The following SP140L variants were observed in gnomAD, a reference collection of about 807,000 sequenced individuals.
The protein encoded by SP140L is nuclear body protein SP140-like protein.
Under a neutral mutation model 84.3 loss-of-function variants are expected in SP140L, and 64 were observed. The observed-to-expected ratio is 0.76, with a 90% CI of 0.62 to 0.94. The LOEUF is 0.94. Among genes scored for constraint, SP140L ranks in the 40% least tolerant of loss-of-function variants. SP140L has a pLI of 0.00. For missense variants in SP140L, 628 were observed against 692.5 expected (o/e 0.91, Z 1.05); for synonymous variants, 242 against 236.9 (o/e 1.02, Z -0.20).
At chr2:230,335,050 C>T (rs182069068) in intron 2 of SP140L, among the ~76,000 whole-genome samples, 8 of 152,064 alleles carry the variant, frequency 5.3e-5, no homozygotes, top group East Asian at 3.9e-4. Flanking sequence ...AAACTCCTAA[C>T]GTTGTTTATT....
intron 1 of SP140L, among the ~76,000 whole-genome samples, chr2:230,327,521 C>T (rs1386197342): frequency 6.6e-6 from 1 of 152,240 alleles, no homozygotes; most frequent in East Asian, 1.9e-4. Context: ...TGCCATAACA[C>T]AGATGACTTT....
chr2:230,385,926 G>A (rs1559451337), intron 9 of SP140L, among the ~76,000 whole-genome samples: 2 of 152,184 alleles, frequency 1.3e-5, no homozygotes, highest in Non-Finnish European at 2.9e-5. Context: ...CAGGATTGGG[G>A]AGGTGAGAGA....
At chr2:230,355,978 A>C (rs1203998108) in intron 2 of SP140L, among the ~76,000 whole-genome samples, 1 of 152,178 alleles carries the variant, frequency 6.6e-6, no homozygotes, top group Non-Finnish European at 1.5e-5. Context: ...TCAATAAATA[A>C]AATAAAATTC....
At chr2:230,369,178 A>T (rs2060976524) in intron 5 of SP140L, among the ~76,000 whole-genome samples, 1 of 152,228 alleles carries the variant, frequency 6.6e-6, no homozygotes, top group African/African-American at 2.4e-5. Context: ...CTTGCTGCTG[A>T]AGGTGCCTAG....
chr2:230,363,460 T>C (rs72992278), intron 5 of SP140L, among the ~76,000 whole-genome samples: 11,134 of 152,240 alleles, frequency 0.073, 670 homozygotes, highest in South Asian at 0.2. Context: ...TTTGTATGTG[T>C]TCCTTTGAGA....
chr2:230,339,895 T>C (rs1198634249), intron 2 of SP140L, among the ~76,000 whole-genome samples: 1 of 149,408 alleles, frequency 6.7e-6, no homozygotes, highest in African/African-American at 2.5e-5. Flanking sequence ...TTACATTTGC[T>C]GAGGAGAGCT....
intron 2 of SP140L, among the ~76,000 whole-genome samples, chr2:230,354,890 AAAGAAAGG>A (rs2060488940): frequency 6.8e-6 from 1 of 146,816 alleles, no homozygotes; most frequent in Non-Finnish European, 1.5e-5. Flanking sequence ...AGAAAGAAAG[AAAGAAAGG>A]AAAGAGAAAG....
intron 2 of SP140L, 119 bp from the exon 3 acceptor site, chr2:230,357,686 C>T: frequency 2.1e-6 from 2 of 964,760 alleles, no homozygotes; most frequent in Non-Finnish European, 3.1e-6. Context: ...CTACTGAGGA[C>T]CACCTATTTT....
chr2:230,346,261 A>G (rs1322589059), intron 2 of SP140L, among the ~76,000 whole-genome samples: 1 of 152,148 alleles, frequency 6.6e-6, no homozygotes, highest in Non-Finnish European at 1.5e-5. Context: ...TGTTAGTCTT[A>G]TGAGGGCTCC....
rs530630859 is a variant in SP140L at position 230,377,972 on chromosome 2, G to C, written c.638-5538G>C. Among the ~76,000 whole-genome samples the C allele has an allele frequency of 5.9e-5, 9 of 152,184 alleles. No homozygotes were observed. The South Asian group carries it at 1.9e-3, about 32-fold the overall frequency. ...CTTATTGAGATCTATAACCCATTTT[G>C]AGTTAGTTTTTGCATATAGTTTGAG... On this transcript the variant is annotated intron_variant, in intron 7 of 18. Coordinates refer to ENST00000415673, the MANE Select transcript of SP140L (RefSeq NM_138402.6).
intron 5 of SP140L, among the ~76,000 whole-genome samples, chr2:230,370,538 A>G (rs986630175): frequency 1.3e-5 from 2 of 152,224 alleles, no homozygotes; most frequent in Non-Finnish European, 2.9e-5. Flanking sequence ...TTTGTTTCTC[A>G]TTAGTATCTG....
Position 230,361,661 on chromosome 2 carries a change from G to C in SP140L, c.487G>C (p.Glu163Gln), listed in dbSNP as rs752810333. 1 of 1,563,500 alleles carries C rather than the reference G, an allele frequency of 6.4e-7. No individual in the cohort carries two copies. The highest frequency in any genetic ancestry group is 1.2e-5 in the South Asian group (1 of 84,780). ...CCAAGAAAGTGATCGAAAAGAAAGGGAAGAGAGGCCTGACATCAAACTAAG... is the reference window on the plus strand; with the variant it reads ...CCAAGAAAGTGATCGAAAAGAAAGGCAAGAGAGGCCTGACATCAAACTAAG... Reference protein sequence around the residue: ...SFQESDRKEREERPDIKLSLK... With the variant: ...SFQESDRKERQERPDIKLSLK... The change falls in exon 5 of 19, where the codon GAA becomes CAA. Residue 163 changes from glutamate (E) to glutamine (Q), a missense_variant. Around this residue, in one of 4 missense-constraint regions of SP140L, gnomAD observed 525 missense variants for 518.4 expected, o/e 1.01. Coordinates refer to ENST00000415673, the MANE Select transcript of SP140L (RefSeq NM_138402.6).
intron 2 of SP140L, among the ~76,000 whole-genome samples, chr2:230,341,854 G>C (rs1424651776): frequency 1.3e-5 from 2 of 152,072 alleles, no homozygotes; most frequent in Non-Finnish European, 2.9e-5. Flanking sequence ...CCCGTTCTCA[G>C]ATCTCCAGCT....
At position 230,354,881 on chromosome 2, in the gene SP140L, G is replaced by GA. The variant is rs149676460; in HGVS notation, c.108-2921dup. Among the ~76,000 whole-genome samples the GA allele has an allele frequency of 4.4e-3, 553 of 125,610 alleles. 5 individuals are homozygous for GA. Among genetic ancestry groups the GA allele is most frequent in the African/African-American group, 0.016 (521 of 32,418 alleles). 82.4% of individuals were successfully genotyped at this position (125,610 alleles called of 152,430 possible). ...AGAAAGAAAGAAAGAAAGAAAGAAA[G>GA]AAAGAAAGAAAGAAAGGAAAGAGAA... On this transcript the variant is annotated intron_variant, in intron 2 of 18. Coordinates refer to ENST00000415673, the MANE Select transcript of SP140L (RefSeq NM_138402.6).
intron 2 of SP140L, among the ~76,000 whole-genome samples, chr2:230,356,170 A>T (rs572577370): frequency 1.8e-4 from 28 of 152,320 alleles, no homozygotes; most frequent in Middle Eastern, 3.4e-3. Context: ...CATCACTGGT[A>T]GTCTTTGCAA....
chr2:230,392,299 T>C, intron 12 of SP140L, 70 bp downstream of exon 12: 1 of 1,599,776 alleles, frequency 6.3e-7, no homozygotes, highest in South Asian at 1.1e-5. Flanking sequence ...AGACTGTTTA[T>C]TCACCAAATA....
intron 7 of SP140L, among the ~76,000 whole-genome samples, chr2:230,376,736 A>G (rs1393379738): frequency 1.3e-5 from 2 of 152,214 alleles, no homozygotes; most frequent in African/African-American, 4.8e-5. Flanking sequence ...TAAAATTTGT[A>G]TAGAACCATA....
intron 14 of SP140L, among the ~76,000 whole-genome samples, chr2:230,398,438 C>T (rs1363421893): frequency 6.6e-6 from 1 of 152,246 alleles, no homozygotes; most frequent in Non-Finnish European, 1.5e-5. Context: ...CTAACTTCCA[C>T]CTCCAACTCA....
At chr2:230,338,808 G>C (rs901226703) in intron 2 of SP140L, among the ~76,000 whole-genome samples, 1 of 142,980 alleles carries the variant, frequency 7.0e-6, no homozygotes, top group African/African-American at 2.7e-5. Flanking sequence ...TTATTGATTT[G>C]CGTATATTAA....
Sources: gnomAD v4.1 joint callset for allele counts (sites outside exome capture counted in the v4.1 genomes callset) on GRCh38, gnomAD v4.1.1 for gene constraint, gnomAD v4.1.1 regional missense constraint, MANE v1.5 for transcripts, NCBI Gene and HGNC (gene_info 2026-07-23, HGNC 2026-07-21) for gene names.